PPARGC1A: variants seen among roughly 807,000 people sequenced by gnomAD.
The protein encoded by PPARGC1A is peroxisome proliferator-activated receptor gamma coactivator 1-alpha.
Under a neutral mutation model 88.7 loss-of-function variants are expected in PPARGC1A, and 25 were observed. That is an observed-to-expected ratio of 0.28 (90% CI 0.21 to 0.39). PPARGC1A has a LOEUF of 0.39. Ranked by LOEUF, PPARGC1A falls within the 10% of genes least tolerant of loss-of-function variation. The pLI, the probability that PPARGC1A is intolerant of heterozygous loss-of-function variation, is 1.00. For missense variants in PPARGC1A, 880 were observed against 968.7 expected (o/e 0.91, Z 1.22); for synonymous variants, 363 against 355.6 (o/e 1.02, Z -0.24).
chr4:24,219,079 C>T, the PPARGC1A span, among the ~76,000 whole-genome samples: 4 of 152,144 alleles, frequency 2.6e-5, no homozygotes, highest in Non-Finnish European at 5.9e-5. Flanking sequence ...TTATTTTCTC[C>T]CTTAGGATTC....
At chr4:24,002,598 ATGC>A in the PPARGC1A span, among the ~76,000 whole-genome samples, 7 of 137,522 alleles carry the variant, frequency 5.1e-5, no homozygotes, top group South Asian at 2.6e-4. Context: ...TCAAAAGTGC[ATGC>A]TGCTTTTTTT....
chr4:24,212,783 C>T, the PPARGC1A span, among the ~76,000 whole-genome samples: 1 of 152,210 alleles, frequency 6.6e-6, no homozygotes, highest in East Asian at 1.9e-4. Flanking sequence ...GCACTAAGCA[C>T]TTGGCAGCCC....
intron 2 of PPARGC1A, among the ~76,000 whole-genome samples, chr4:23,868,630 C>T (rs183732546): frequency 2.6e-5 from 4 of 152,162 alleles, no homozygotes; most frequent in South Asian, 2.1e-4. Flanking sequence ...AACCACAATT[C>T]GAAGGCCTTA....
chr4:23,829,968 T>A (rs1272078481), intron 3 of PPARGC1A, among the ~76,000 whole-genome samples: 2 of 152,210 alleles, frequency 1.3e-5, no homozygotes, highest in Non-Finnish European at 2.9e-5. Context: ...TCTACATATT[T>A]TTTTTGAACA....
At chr4:24,190,952 G>GA in the PPARGC1A span, among the ~76,000 whole-genome samples, 116,451 of 152,046 alleles carry the variant, frequency 0.77, 45,834 homozygotes, top group Middle Eastern at 0.9. Context: ...CAGGGTGCCT[G>GA]AATACTGCCC....
chr4:23,853,057 T>G lies in PPARGC1A; in HGVS notation c.235-21306A>C, dbSNP rs142803051. Among the ~76,000 whole-genome samples the G allele has an allele frequency of 2.0e-4, 31 of 152,340 alleles. No homozygotes were observed. The East Asian group carries it at 4.1e-3, about 20-fold the overall frequency. ...GATTTCCTTTCACAGGTTTTCCTTT[T>G]TATATAAGAAATTTGTAAAAGAATT... On this transcript the variant is annotated intron_variant, in intron 2 of 12. Transcript: ENST00000264867.
the PPARGC1A span, among the ~76,000 whole-genome samples, chr4:24,307,804 CT>C: frequency 3.3e-5 from 5 of 152,128 alleles, no homozygotes; most frequent in African/African-American, 7.2e-5. Context: ...CTAGTCCCGG[CT>C]TTTTCCACTA....
At chr4:23,874,619 A>G (rs1431242059) in intron 2 of PPARGC1A, among the ~76,000 whole-genome samples, 1 of 151,988 alleles carries the variant, frequency 6.6e-6, no homozygotes, top group Non-Finnish European at 1.5e-5. Flanking sequence ...CACTCTCACT[A>G]CGCTTTGTAA....
chr4:24,463,863 C>T, the PPARGC1A span, among the ~76,000 whole-genome samples: 1 of 152,334 alleles, frequency 6.6e-6, no homozygotes, highest in Non-Finnish European at 1.5e-5. Flanking sequence ...TTCCCTTCAA[C>T]ATACATGCAC....
chr4:24,454,211 T>G, the PPARGC1A span, among the ~76,000 whole-genome samples: 3 of 149,936 alleles, frequency 2.0e-5, no homozygotes, highest in Admixed American at 2.0e-4. Context: ...CCCAGCTGAG[T>G]CAAGCAGAAG....
the PPARGC1A span, among the ~76,000 whole-genome samples, chr4:24,173,992 T>C: frequency 6.6e-6 from 1 of 152,184 alleles, no homozygotes; most frequent in South Asian, 2.1e-4. Context: ...TAGAATACAT[T>C]TGAGGACCTT....
the PPARGC1A span, among the ~76,000 whole-genome samples, chr4:24,435,910 C>T: frequency 1.3e-5 from 2 of 152,182 alleles, no homozygotes; most frequent in Non-Finnish European, 2.9e-5. Context: ...GCTACCGGGC[C>T]TCAGTCGCTA....
chr4:24,145,394 C>A, the PPARGC1A span, among the ~76,000 whole-genome samples: 6 of 152,174 alleles, frequency 3.9e-5, no homozygotes, highest in Non-Finnish European at 1.5e-5. Flanking sequence ...TAGTTGATAA[C>A]GCCATTTGAC....
chr4:23,980,111 G>A, the PPARGC1A span, among the ~76,000 whole-genome samples: 6 of 145,780 alleles, frequency 4.1e-5, no homozygotes, highest in East Asian at 2.0e-4. Flanking sequence ...TAGCTATCCC[G>A]TAGCCTTTCT....
the PPARGC1A span, among the ~76,000 whole-genome samples, chr4:24,325,554 C>T: frequency 1.3e-5 from 2 of 152,174 alleles, no homozygotes; most frequent in African/African-American, 4.8e-5. Context: ...AGCCTTGTCC[C>T]ATCTGTGCGG....
the PPARGC1A span, among the ~76,000 whole-genome samples, chr4:24,378,978 CT>C: frequency 6.6e-6 from 1 of 152,084 alleles, no homozygotes; most frequent in South Asian, 2.1e-4. Flanking sequence ...TAAAAATCTG[CT>C]TTTGATGCAA....
the PPARGC1A span, among the ~76,000 whole-genome samples, chr4:24,289,869 A>T: frequency 6.6e-6 from 1 of 152,162 alleles, no homozygotes; most frequent in Non-Finnish European, 1.5e-5. Flanking sequence ...TAATAAAGGC[A>T]TACCCAAGAC....
the PPARGC1A span, among the ~76,000 whole-genome samples, chr4:24,198,733 G>A: frequency 6.6e-6 from 1 of 152,182 alleles, no homozygotes; most frequent in South Asian, 2.1e-4. Context: ...AAGGGAATGG[G>A]GAAGGGAAGG....
chr4:24,304,424 T>C, the PPARGC1A span, among the ~76,000 whole-genome samples: 1 of 152,186 alleles, frequency 6.6e-6, no homozygotes, highest in Non-Finnish European at 1.5e-5. Flanking sequence ...TGCATGGTTG[T>C]TTAATTTAAT....
Sources: gnomAD v4.1 joint callset for allele counts (sites outside exome capture counted in the v4.1 genomes callset) on GRCh38, gnomAD v4.1.1 for gene constraint, MANE v1.5 for transcripts, NCBI Gene and HGNC (gene_info 2026-07-23, HGNC 2026-07-21) for gene names.